ANKRD30BL: variants seen among roughly 807,000 people sequenced by gnomAD.
ANKRD30BL encodes the protein ankyrin repeat domain 30B like.
Under a neutral mutation model 18.4 loss-of-function variants are expected in ANKRD30BL, and 20 were observed. The observed-to-expected ratio is 1.09, with a 90% confidence interval of 0.77 to 1.58. The LOEUF (loss-of-function observed/expected upper bound fraction) is 1.58. ANKRD30BL is among the 40% of genes most tolerant of loss of function. ANKRD30BL has a pLI of 0.00. For synonymous variants in ANKRD30BL, 72 were observed against 100.9 expected (o/e 0.71, Z 1.72); for missense variants, 224 against 268.6 (o/e 0.83, Z 1.16).
At chr2:132,153,220 T>TA (rs1364319864) in intron 4 of ANKRD30BL, among the ~76,000 whole-genome samples, 17 of 152,296 alleles carry the variant, frequency 1.1e-4, no homozygotes, top group African/African-American at 2.9e-4. Context: ...CAGATTCTTT[T>TA]AAAAAATTCA....
At chr2:132,232,861 G>C (rs1254438689) in intron 1 of ANKRD30BL, among the ~76,000 whole-genome samples, 1 of 151,902 alleles carries the variant, frequency 6.6e-6, no homozygotes, top group African/African-American at 2.4e-5. Flanking sequence ...CTCGAGAAGA[G>C]CAACTCCAAG....
chr2:132,220,308 C>T (rs1437370162), intron 1 of ANKRD30BL, among the ~76,000 whole-genome samples: 1 of 110,916 alleles, frequency 9.0e-6, no homozygotes, highest in Non-Finnish European at 1.8e-5. Context: ...CCCTGTCCCT[C>T]TCCCTCTCCC....
At chr2:132,249,197 T>C (rs919137569) in intron 1 of ANKRD30BL, among the ~76,000 whole-genome samples, 1 of 152,106 alleles carries the variant, frequency 6.6e-6, no homozygotes, top group African/African-American at 2.4e-5. Flanking sequence ...AAAAGACTGT[T>C]TCCAAATTGC....
chr2:132,251,908 T>C (rs1680658479), intron 1 of ANKRD30BL, among the ~76,000 whole-genome samples: 1 of 152,272 alleles, frequency 6.6e-6, no homozygotes, highest in Non-Finnish European at 1.5e-5. Context: ...TGATTTTGTG[T>C]TATGGGTGTT....
intron 1 of ANKRD30BL, among the ~76,000 whole-genome samples, chr2:132,256,512 G>A (rs1319928802): frequency 4.6e-5 from 7 of 152,246 alleles, no homozygotes; most frequent in Non-Finnish European, 1.0e-4. Flanking sequence ...GGCAGCGAAG[G>A]AGAGGCGGAC....
chr2:132,210,198 T>G (rs939097426), intron 1 of ANKRD30BL, among the ~76,000 whole-genome samples: 6 of 151,592 alleles, frequency 4.0e-5, no homozygotes, highest in African/African-American at 1.5e-4. Context: ...CGGAAATATC[T>G]TCACATAAAA....
At chr2:132,211,153 A>G (rs1259464903) in intron 1 of ANKRD30BL, among the ~76,000 whole-genome samples, 1 of 146,552 alleles carries the variant, frequency 6.8e-6, no homozygotes, top group Non-Finnish European at 1.5e-5. Flanking sequence ...CTGCTTTCAA[A>G]TATTCTTTTT....
At chr2:132,212,553 G>C (rs1349154160) in intron 1 of ANKRD30BL, among the ~76,000 whole-genome samples, 1 of 151,698 alleles carries the variant, frequency 6.6e-6, no homozygotes, top group African/African-American at 2.4e-5. Flanking sequence ...TCTTTCTTTT[G>C]ATTGAGCAAC....
intron 1 of ANKRD30BL, among the ~76,000 whole-genome samples, chr2:132,218,745 A>G (rs62165496): frequency 1.3e-5 from 2 of 151,514 alleles, no homozygotes; most frequent in Non-Finnish European, 2.9e-5. Flanking sequence ...TCTTTTAGTA[A>G]AATCTGGAAG....
At position 132,147,965 on chromosome 2, in the gene ANKRD30BL, G is replaced by A. The variant is rs1304651174; in HGVS notation, c.*166C>T. ...CTAGGGGCAAGGAGGCATAACGAAC[G>A]AGGAAGTTAAACTTTAAAACGGAGA... On this transcript the variant is annotated 3_prime_UTR_variant, in exon 6 of 6. Transcript: ENST00000409867. The A allele has an allele frequency of 8.2e-6, 5 of 607,128 alleles. No homozygotes were observed. Among genetic ancestry groups the A allele is most frequent in the South Asian group, 2.0e-5 (1 of 50,530 alleles). 37.6% of individuals were successfully genotyped at this position (607,128 alleles called of 1,614,324 possible).
rs527589711 is a variant in ANKRD30BL at position 132,200,446 on chromosome 2, T to G, written n.442-43300A>C. Among the ~76,000 whole-genome samples, 1,219 of 152,070 alleles carry G rather than the reference T, an allele frequency of 8.0e-3. 11 individuals carry two copies. The highest frequency in any genetic ancestry group is 0.027 in the African/African-American group (1,136 of 41,486). ...AAGCTGATAAGCAACTTCAGCAAAG[T>G]CTCAGGATACAAAATCAATGTACAA... On this transcript the variant is annotated intron_variant and non_coding_transcript_variant, in intron 1 of 4. Transcript: ENST00000470729.
chr2:132,219,965 G>A (rs1293387788), intron 1 of ANKRD30BL, among the ~76,000 whole-genome samples: 12 of 151,828 alleles, frequency 7.9e-5, no homozygotes, highest in South Asian at 4.2e-4. Flanking sequence ...CATTTGGAGC[G>A]CCTTGAGGCC....
chr2:132,217,411 C>G (rs1291594769), intron 1 of ANKRD30BL, among the ~76,000 whole-genome samples: 1 of 151,568 alleles, frequency 6.6e-6, no homozygotes, highest in African/African-American at 2.4e-5. Context: ...AGATTTGAGA[C>G]CTATGGTTGA....
intron 1 of ANKRD30BL, among the ~76,000 whole-genome samples, chr2:132,193,978 C>T (rs2104740523): frequency 6.6e-6 from 1 of 151,440 alleles, no homozygotes; most frequent in South Asian, 2.1e-4. Flanking sequence ...ATGAATACAC[C>T]CTGATTAGCA....
chr2:132,254,194 C>T (rs566259704), intron 1 of ANKRD30BL, among the ~76,000 whole-genome samples: 1 of 152,050 alleles, frequency 6.6e-6, no homozygotes, highest in South Asian at 2.1e-4. Context: ...CTTTCTACCC[C>T]CTCTCTCCCT....
rs146477305 is a variant in ANKRD30BL at position 132,183,848 on chromosome 2, C to T, written n.442-26702G>A. 4.9e-3 allele frequency among the ~76,000 whole-genome samples: 748 copies of T among 152,078 alleles called. 28 individuals carry two copies. The highest frequency in any genetic ancestry group is 0.045 in the Admixed American group (683 of 15,252). ...GGATGTAATTCTCCCTTATCTCCTCCACATAGTGGTATTGAATTAATGGTG... is the reference window on the plus strand; with the variant it reads ...GGATGTAATTCTCCCTTATCTCCTCTACATAGTGGTATTGAATTAATGGTG... On this transcript the variant is annotated intron_variant and non_coding_transcript_variant, in intron 1 of 4. Coordinates refer to the ANKRD30BL transcript ENST00000470729.
At chr2:132,198,349 A>G (rs1264954910) in intron 1 of ANKRD30BL, among the ~76,000 whole-genome samples, 2 of 102,506 alleles carry the variant, frequency 2.0e-5, no homozygotes, top group Non-Finnish European at 3.4e-5. Flanking sequence ...TTTTAGACAG[A>G]GTCTCCCTCT....
chr2:132,234,718 C>G (rs555852367), intron 1 of ANKRD30BL, among the ~76,000 whole-genome samples: 1 of 152,176 alleles, frequency 6.6e-6, no homozygotes, highest in Admixed American at 6.6e-5. Flanking sequence ...AAAAAGAGTC[C>G]AGGACCAGAT....
intron 1 of ANKRD30BL, among the ~76,000 whole-genome samples, chr2:132,199,754 T>C (rs1346607813): frequency 1.3e-5 from 2 of 152,182 alleles, no homozygotes; most frequent in Non-Finnish European, 2.9e-5. Context: ...GGGATTGTTG[T>C]ATAAAATAAA....
Sources: gnomAD v4.1 joint callset for allele counts (sites outside exome capture counted in the v4.1 genomes callset) on GRCh38, gnomAD v4.1.1 for gene constraint, MANE v1.5 for transcripts, NCBI Gene and HGNC (gene_info 2026-07-23, HGNC 2026-07-21) for gene names.